SAMSN1: variants seen among roughly 807,000 people sequenced by gnomAD.
SAMSN1 encodes SAM domain-containing protein SAMSN-1.
In SAMSN1, 31 loss-of-function variants were observed where a neutral mutation model predicts 42.0. The observed-to-expected ratio is 0.74, with a 90% CI of 0.55 to 1.00. The LOEUF is 1.00. Among genes scored for constraint, SAMSN1 ranks in the 50% least tolerant of loss-of-function variants. The probability of loss-of-function intolerance (pLI) is 0.00; values close to 1 mark genes in which losing one functional copy is unlikely to be tolerated. For missense variants in SAMSN1, 464 were observed against 439.4 expected, an observed-to-expected ratio of 1.06 and a Z score of -0.50; for synonymous variants, 178 against 151.9, an observed-to-expected ratio of 1.17 and a Z score of -1.26.
At chr21:14,606,137 G>A (rs921789611) in intron 5 of SAMSN1, among the ~76,000 whole-genome samples, 1 of 152,108 alleles carries the variant, frequency 6.6e-6, no homozygotes, top group Non-Finnish European at 1.5e-5. Flanking sequence ...ACTGCGCCCG[G>A]TCAAGAAGAT....
At chr21:14,490,149 G>A (rs941734671) in intron 7 of SAMSN1, among the ~76,000 whole-genome samples, 9 of 151,956 alleles carry the variant, frequency 5.9e-5, no homozygotes, top group African/African-American at 2.2e-4. Context: ...GCTTTCTTTG[G>A]GTGAAGTACT....
intron 7 of SAMSN1, among the ~76,000 whole-genome samples, chr21:14,492,346 T>C (rs1329979964): frequency 7.2e-5 from 11 of 152,210 alleles, no homozygotes; most frequent in Non-Finnish European, 1.3e-4. Context: ...TACTTGTATG[T>C]GTGAGGTGGG....
chr21:14,652,608 C>T (rs1373130166), intron 1 of SAMSN1, among the ~76,000 whole-genome samples: 1 of 152,020 alleles, frequency 6.6e-6, no homozygotes, highest in African/African-American at 2.4e-5. Flanking sequence ...TAGGGAAAAT[C>T]TTCAAGACAT....
rs140070423 is a variant in SAMSN1, at chr21:14,622,352, G to A, written c.157-6336C>T. Among the ~76,000 whole-genome samples, 45 of 152,278 alleles carry A rather than the reference G, an allele frequency of 3.0e-4. 1 individual carries two copies. In the East Asian group the frequency reaches 6.8e-3, roughly 23 times the overall value. ...CTAAAGGAAGAAGTTTGAACCCACC[G>A]CAAAGAAGCTAAAAAGCTTGGGAAA... On this transcript the variant is annotated intron_variant, in intron 2 of 15. Transcript: ENST00000647101.
intron 4 of SAMSN1, among the ~76,000 whole-genome samples, chr21:14,610,849 A>T (rs1286872678): frequency 1.3e-5 from 2 of 152,202 alleles, no homozygotes. Flanking sequence ...ACCATATATG[A>T]TAGAATGCTG....
intron 2 of SAMSN1, chr21:14,582,025 A>G: frequency 9.4e-7 from 1 of 1,062,580 alleles, no homozygotes; most frequent in South Asian, 2.1e-5. Context: ...TGCTCTGGTA[A>G]CTTTTCTGAA....
At chr21:14,654,700 T>C (rs1372298247) in intron 1 of SAMSN1, among the ~76,000 whole-genome samples, 2 of 151,890 alleles carry the variant, frequency 1.3e-5, no homozygotes, top group Non-Finnish European at 2.9e-5. Context: ...AAGCTACCAA[T>C]AGTTCAGTGT....
At chr21:14,635,142 G>C (rs1343510663) in intron 2 of SAMSN1, among the ~76,000 whole-genome samples, 2 of 152,124 alleles carry the variant, frequency 1.3e-5, no homozygotes, top group Admixed American at 1.3e-4. Flanking sequence ...GAGAACACAT[G>C]GACACAGGGA....
intron 2 of SAMSN1, among the ~76,000 whole-genome samples, chr21:14,564,298 A>T (rs1981040724): frequency 6.6e-6 from 1 of 152,196 alleles, no homozygotes; most frequent in Non-Finnish European, 1.5e-5. Flanking sequence ...CTCATTCATT[A>T]TTAAAGCCTA....
intron 7 of SAMSN1, chr21:14,496,518 A>G (rs1266029532): frequency 6.6e-6 from 1 of 152,258 alleles, no homozygotes; most frequent in Non-Finnish European, 1.5e-5. Flanking sequence ...GACATTGTCC[A>G]TAATAAAACT....
chr21:14,551,698 T>G (rs1980601297), intron 2 of SAMSN1, among the ~76,000 whole-genome samples: 1 of 152,134 alleles, frequency 6.6e-6, no homozygotes, highest in Non-Finnish European at 1.5e-5. Context: ...TAATAATGAC[T>G]GTCATCTTGA....
intron 6 of SAMSN1, among the ~76,000 whole-genome samples, chr21:14,500,233 T>A (rs1386891333): frequency 6.6e-6 from 1 of 152,204 alleles, no homozygotes; most frequent in East Asian, 1.9e-4. Context: ...GTTTAGACAT[T>A]TTCTTAGGGC....
intron 5 of SAMSN1, chr21:14,609,338 C>A (rs2123319088): frequency 3.3e-6 from 2 of 604,938 alleles, no homozygotes; most frequent in South Asian, 4.1e-5. Context: ...AATGCATATT[C>A]TATTCTATCT....
chr21:14,594,201 A>G, intron 6 of SAMSN1: 1 of 590,704 alleles, frequency 1.7e-6, no homozygotes, highest in East Asian at 2.8e-5. Context: ...ATTAGAAATA[A>G]TTATCTTGTT....
Position 14,600,270 on chromosome 21 carries a change from CCTT to C in SAMSN1, c.399+1750_399+1752del, listed in dbSNP as rs1299219999. Among the ~76,000 whole-genome samples the C allele has an allele frequency of 3.9e-5, 6 of 152,318 alleles. No homozygotes were observed. In the South Asian group the frequency reaches 1.0e-3, roughly 26 times the overall value. On this transcript the variant is annotated intron_variant, in intron 6 of 15. Coordinates refer to the SAMSN1 transcript ENST00000647101. ...ATCTTTCAACAGATAGTTTGCATCTCCTTCTCCTCAGTCACAAGGAGTTAATAA... is the reference window on the plus strand; with the variant it reads ...ATCTTTCAACAGATAGTTTGCATCTCCTCCTCAGTCACAAGGAGTTAATAA...
At chr21:14,642,343 C>A (rs965591335) in intron 2 of SAMSN1, among the ~76,000 whole-genome samples, 1 of 152,194 alleles carries the variant, frequency 6.6e-6, no homozygotes, top group African/African-American at 2.4e-5. Flanking sequence ...GAACAATTTG[C>A]ATTTGCCAGT....
chr21:14,586,059 T>A (rs1441174359), upstream of SAMSN1, among the ~76,000 whole-genome samples: 1 of 151,886 alleles, frequency 6.6e-6, no homozygotes, highest in African/African-American at 2.4e-5. Context: ...GGTCAGGAGA[T>A]GGAGACCATC....
In SAMSN1 at chr21:14,495,078, A is replaced by G. The variant is rs1986861060; in HGVS notation, c.919+3364T>C. Among the ~76,000 whole-genome samples the G allele has an allele frequency of 2.0e-5, 3 of 152,354 alleles. No homozygotes were observed. In the South Asian group the frequency reaches 6.2e-4, roughly 32 times the overall value. On this transcript the variant is annotated intron_variant, in intron 7 of 7. Coordinates refer to ENST00000400566, the MANE Select transcript of SAMSN1 (RefSeq NM_022136.5). ...TGACATCATTCAATGATCAAAATAA[A>G]ATGCATCCATAATATCCTAGAAAAT...
At chr21:14,553,983 T>A (rs1309738475) in intron 2 of SAMSN1, among the ~76,000 whole-genome samples, 1 of 152,184 alleles carries the variant, frequency 6.6e-6, no homozygotes, top group Non-Finnish European at 1.5e-5. Context: ...ATTAGTCCAA[T>A]GTTGAACATA....
Sources: gnomAD v4.1 joint callset for allele counts (sites outside exome capture counted in the v4.1 genomes callset) on GRCh38, gnomAD v4.1.1 for gene constraint, MANE v1.5 for transcripts, NCBI Gene and HGNC (gene_info 2026-07-23, HGNC 2026-07-21) for gene names.